ZHX3: variants seen among roughly 807,000 people sequenced by gnomAD.
ZHX3 encodes the protein zinc fingers and homeoboxes 3.
A neutral mutation model predicts 64.5 loss-of-function variants in ZHX3; 20 were observed. The ratio of observed to expected loss-of-function variants is 0.31; its 90% CI spans 0.22 to 0.45. The LOEUF (loss-of-function observed/expected upper bound fraction) is 0.45, where lower values mean the gene tolerates loss of function less well. Ranked by LOEUF, ZHX3 falls within the 20% of genes least tolerant of loss-of-function variation. The pLI is 1.00. For synonymous variants in ZHX3, 423 were observed against 461.6 expected, an observed-to-expected ratio of 0.92 and a Z score of 1.07; for missense variants, 1,041 against 1,195.8, an observed-to-expected ratio of 0.87 and a Z score of 1.91.
At position 41,204,940 on chromosome 20, in the gene ZHX3, C is replaced by T; in HGVS notation, c.-24G>A. On this transcript the variant is annotated 5_prime_UTR_variant, in exon 3 of 4. Coordinates refer to ENST00000683867, the MANE Select transcript of ZHX3 (RefSeq NM_001384317.1). The surrounding 1 kb of genome is among the most constrained non-coding windows in gnomAD (Gnocchi z 6.6). ...ATGGTGACAATCACTGGGTGATCAGCAGTTGAGAGCTTGTCCCATAAGGGG... is the reference window on the plus strand; with the variant it reads ...ATGGTGACAATCACTGGGTGATCAGTAGTTGAGAGCTTGTCCCATAAGGGG... The T allele has an allele frequency of 2.6e-6, 4 of 1,516,758 alleles. No homozygotes were observed. The highest frequency in any genetic ancestry group is 3.5e-6 in the Non-Finnish European group (4 of 1,133,372). The allele number at this position is 1,516,758 out of a possible 1,614,324, so 94.0% of individuals were successfully genotyped here. A position where few individuals can be genotyped will look rare whatever the true frequency, so the allele number is the denominator to read the frequency against.
At position 41,202,119 on chromosome 20, in the gene ZHX3, C is replaced by G; in HGVS notation, c.2798G>C (p.Arg933Pro). Residue 933 changes from arginine to proline, a missense_variant, in exon 3 of 4, where the codon CGT becomes CCT. Physicochemically the swap from Arg to Pro is moderately radical, Grantham distance 103. Coordinates refer to ENST00000683867, the MANE Select transcript of ZHX3 (RefSeq NM_001384317.1). This position sits in a 1 kb window ranked among gnomAD's most constrained non-coding sequence, Gnocchi z 7.0. Reference sequence around the variant, plus strand: ...GGGCTCTGAGCTGGCCTCAGGGACACGGGGCTCCCACGACTCACTGTTCTC... The same window carrying G: ...GGGCTCTGAGCTGGCCTCAGGGACAGGGGGCTCCCACGACTCACTGTTCTC... Reference protein sequence around the residue: ...VSENSESWEPRVPEASSEPFD... With the variant: ...VSENSESWEPPVPEASSEPFD... 1.9e-6 allele frequency: 3 copies of G among 1,613,788 alleles called. No individual in the cohort carries two copies. The highest frequency in any genetic ancestry group is 2.5e-6 in the Non-Finnish European group (3 of 1,179,840).
intron 1 of ZHX3, chr20:41,272,338 A>C (rs1457438959): frequency 6.6e-6 from 1 of 152,188 alleles, no homozygotes; most frequent in East Asian, 1.9e-4. Context: ...AGATCACAGA[A>C]ATTATATGAT....
At chr20:41,303,209 C>T (rs1395800153) in intron 1 of ZHX3, among the ~76,000 whole-genome samples, 1 of 152,238 alleles carries the variant, frequency 6.6e-6, no homozygotes, top group Non-Finnish European at 1.5e-5. Flanking sequence ...CTTAGTCTAA[C>T]AGCATCTTCC....
chr20:41,256,802 CAT>C (rs562831434), intron 2 of ZHX3, among the ~76,000 whole-genome samples: 205 of 151,928 alleles, frequency 1.3e-3, no homozygotes, highest in African/African-American at 4.6e-3. Flanking sequence ...TTCATCTAAA[CAT>C]GTTATAAAAC....
chr20:41,197,585 G>A (rs2037847357), intron 3 of ZHX3, among the ~76,000 whole-genome samples: 1 of 151,678 alleles, frequency 6.6e-6, no homozygotes, highest in Non-Finnish European at 1.5e-5. Flanking sequence ...TCTTAAGACA[G>A]CATATAAACA....
At chr20:41,286,911 G>GCT (rs1246446258) in intron 1 of ZHX3, among the ~76,000 whole-genome samples, 1 of 151,214 alleles carries the variant, frequency 6.6e-6, no homozygotes, top group African/African-American at 2.4e-5. Context: ...TTTCCCCTGA[G>GCT]CTCTCTCTCT....
intron 1 of ZHX3, among the ~76,000 whole-genome samples, chr20:41,285,269 C>T (rs2146711660): frequency 6.6e-6 from 1 of 152,282 alleles, no homozygotes; most frequent in East Asian, 1.9e-4. Context: ...TATATGAATG[C>T]CAACTTACAG....
At chr20:41,246,943 T>C (rs551225557) in intron 2 of ZHX3, among the ~76,000 whole-genome samples, 63 of 151,946 alleles carry the variant, frequency 4.1e-4, no homozygotes, top group African/African-American at 1.5e-3. Flanking sequence ...AGTACTATGA[T>C]TTATAGACAT....
intron 2 of ZHX3, among the ~76,000 whole-genome samples, chr20:41,260,923 T>C (rs542256448): frequency 2.7e-4 from 41 of 152,240 alleles, no homozygotes; most frequent in Non-Finnish European, 4.6e-4. Context: ...CCCATGCTCT[T>C]AGCACTACAC....
At chr20:41,309,868 T>C (rs1229169610) in intron 1 of ZHX3, among the ~76,000 whole-genome samples, 1 of 152,248 alleles carries the variant, frequency 6.6e-6, no homozygotes, top group African/African-American at 2.4e-5. Context: ...TCAGCCTTCT[T>C]CACTGAGTTC....
chr20:41,198,396 TCTC>T (rs1441033287), intron 3 of ZHX3, among the ~76,000 whole-genome samples: 3 of 152,304 alleles, frequency 2.0e-5, no homozygotes, highest in Admixed American at 1.3e-4. Flanking sequence ...CTAATAATGA[TCTC>T]CTTCAATTTT....
At chr20:41,265,028 A>C (rs117437967) in intron 2 of ZHX3, among the ~76,000 whole-genome samples, 4,557 of 152,316 alleles carry the variant, frequency 0.03, 92 homozygotes, top group Non-Finnish European at 0.047. Flanking sequence ...CAAAATAAGC[A>C]TTTTATCATC....
chr20:41,210,966 C>T (rs2039118098), intron 2 of ZHX3, among the ~76,000 whole-genome samples: 1 of 152,096 alleles, frequency 6.6e-6, no homozygotes, highest in Admixed American at 6.5e-5. Context: ...CATAACATCC[C>T]TTACCTGTGA....
At position 41,225,233 on chromosome 20, in the gene ZHX3, C is replaced by T. The variant is rs1028875543; in HGVS notation, c.-150-20167G>A. On this transcript the variant is annotated intron_variant, in intron 2 of 3. Transcript: ENST00000683867. ...TACCTCATAGACCTGACATGACATTCGGTGAATTGATAGGAAGTACACAAA... is the reference window on the plus strand; with the variant it reads ...TACCTCATAGACCTGACATGACATTTGGTGAATTGATAGGAAGTACACAAA... 4.6e-5 allele frequency among the ~76,000 whole-genome samples: 7 copies of T among 152,146 alleles called. No individual in the cohort carries two copies. In the East Asian group the frequency reaches 9.6e-4, roughly 21 times the overall value.
At chr20:41,192,931 C>A (rs1240558108) in intron 3 of ZHX3, among the ~76,000 whole-genome samples, 3 of 152,222 alleles carry the variant, frequency 2.0e-5, no homozygotes, top group African/African-American at 7.2e-5. Context: ...AAATGTGGAC[C>A]ACTGAGGGTC....
intron 2 of ZHX3, among the ~76,000 whole-genome samples, chr20:41,247,978 CCTAA>C (rs571261418): frequency 1.3e-4 from 20 of 152,212 alleles, no homozygotes; most frequent in Non-Finnish European, 2.9e-4. Context: ...AGTATAAATT[CCTAA>C]CTGTTTCAGG....
intron 2 of ZHX3, among the ~76,000 whole-genome samples, chr20:41,257,984 C>G (rs1408454704): frequency 6.8e-6 from 1 of 147,622 alleles, no homozygotes; most frequent in Non-Finnish European, 1.5e-5. Flanking sequence ...ACTGCAACCT[C>G]CACCTCCCAG....
intron 1 of ZHX3, among the ~76,000 whole-genome samples, chr20:41,302,116 G>A (rs1007947532): frequency 4.2e-5 from 6 of 142,482 alleles, no homozygotes; most frequent in South Asian, 2.2e-4. Flanking sequence ...TTCCAACCCC[G>A]TGCCCAACGG....
chr20:41,272,494 T>C (rs970338015), intron 1 of ZHX3, among the ~76,000 whole-genome samples: 6 of 152,172 alleles, frequency 3.9e-5, no homozygotes, highest in African/African-American at 1.2e-4. Flanking sequence ...CACCCCAAAA[T>C]GAACCTTGTA....
Sources: allele counts gnomAD v4.1 joint callset (sites outside exome capture counted in the v4.1 genomes callset), GRCh38; gene constraint gnomAD v4.1.1; non-coding constraint Gnocchi (gnomAD v3.1); transcripts MANE v1.5; gene names NCBI Gene and HGNC (gene_info 2026-07-23, HGNC 2026-07-21).